The following OR7G2 variants were observed in gnomAD, a reference collection of about 807,000 sequenced individuals.
The protein encoded by OR7G2 is olfactory receptor 7G2.
For synonymous variants in OR7G2, 153 were observed against 152.2 expected (o/e 1.01, Z -0.04); for missense variants, 362 against 384.0 (o/e 0.94, Z 0.48).
chr19:9,102,261 A>G lies in OR7G2; in HGVS notation c.*8T>C. On this transcript the variant is annotated 3_prime_UTR_variant, in exon 2 of 2. Transcript: ENST00000641081. ...ATTCTAGCTCACCAGGAATCCTGTCACTTTGACTTACTCTAGAAACCTGAA... is the reference window on the plus strand; with the variant it reads ...ATTCTAGCTCACCAGGAATCCTGTCGCTTTGACTTACTCTAGAAACCTGAA... The G allele has an allele frequency of 1.9e-6, 3 of 1,577,878 alleles. No individual in the cohort carries two copies. The South Asian group carries it at 3.5e-5, about 19-fold the overall frequency.
At position 9,102,507 on chromosome 19, in the gene OR7G2, G is replaced by A. The variant is rs759343004; in HGVS notation, c.737C>T (p.Ser246Phe). The A allele has an allele frequency of 1.2e-5, 20 of 1,614,050 alleles. No homozygotes were observed. Among genetic ancestry groups the A allele is most frequent in the Non-Finnish European group, 1.5e-5 (18 of 1,180,038 alleles). ...KAVSTCGSHL[S>F]IVLLFYGAGL... ...TGCCCCATAGAACAAGAGAACAATGGAGAGGTGAGACCCACAGGTGGAAAC... is the reference window on the plus strand; with the variant it reads ...TGCCCCATAGAACAAGAGAACAATGAAGAGGTGAGACCCACAGGTGGAAAC... The change falls in exon 2 of 2, where the codon TCC becomes TTC. Residue 246 changes from serine to phenylalanine, a missense_variant. Ser to Phe is a radical substitution (Grantham distance 155). Coordinates refer to ENST00000641081, the MANE Select transcript of OR7G2 (RefSeq NM_001005193.2).
rs776771825 is a variant in OR7G2 at position 9,103,191 on chromosome 19, A to C, written c.53T>G (p.Ile18Arg). 3 of 1,614,144 alleles carry C rather than the reference A, an allele frequency of 1.9e-6. No homozygotes were observed. Among genetic ancestry groups the C allele is most frequent in the South Asian group, 2.2e-5 (2 of 91,078 alleles). The change falls in exon 2 of 2, where the codon ATA becomes AGA. Residue 18 changes from isoleucine (I) to arginine (R), a missense_variant. Transcript: ENST00000641081. ...GACGGGCTGCAGTTCCGGATCCTCT[A>C]TCAGTCCCAGGAGAAGGAATTTTGA... ...AISKFLLLGL[I>R]EDPELQPVLF...
rs1014222367 is a variant in OR7G2, at chr19:9,107,403, T to C, written c.-106A>G. Reference sequence around the variant, plus strand: ...TATCATGTCTGGAAGGAGGTTCTGATGCAGCTTCCGAGCTGGGTAAGAGAT... The same window carrying C: ...TATCATGTCTGGAAGGAGGTTCTGACGCAGCTTCCGAGCTGGGTAAGAGAT... On this transcript the variant is annotated 5_prime_UTR_variant, in exon 1 of 2. Coordinates refer to ENST00000641081, the MANE Select transcript of OR7G2 (RefSeq NM_001005193.2). The C allele has an allele frequency of 1.3e-5, 2 of 152,204 alleles. No individual in the cohort carries two copies. The highest frequency in any genetic ancestry group is 1.5e-5 in the Non-Finnish European group (1 of 68,048). 9.4% of individuals were successfully genotyped at this position (152,204 alleles called of 1,614,324 possible). A position where few individuals can be genotyped will look rare whatever the true frequency, so the allele number is the denominator to read the frequency against.
At position 9,102,747 on chromosome 19, in the gene OR7G2, A is replaced by C; in HGVS notation, c.497T>G (p.Leu166Arg). Residue 166 changes from leucine (L) to arginine (R), a missense_variant, in exon 2 of 2, where the codon CTG becomes CGG. Transcript: ENST00000641081. The stretch of plus-strand genomic sequence containing the variant: ...GATTTCCAGGTCTGTGCAGAAGGAC[A>C]GCCTCAACACCATCAGGCTGAGAAG... ...ALLLSLMVLR[L>R]SFCTDLEIPL... The C allele has an allele frequency of 1.9e-6, 3 of 1,614,172 alleles. No individual in the cohort carries two copies. The highest frequency in any genetic ancestry group is 2.5e-6 in the Non-Finnish European group (3 of 1,180,018).
rs12610094 is a variant in OR7G2, at chr19:9,102,456, A to G, written c.788T>C (p.Val263Ala). ...AGTCTTCCTAGGTGAGTCAGTAACC[A>G]CAGAACTAATGTACACCCCCAAACC... ...GAGLGVYISS[V>A]VTDSPRKTAV... is the part of the protein sequence containing the mutation. The change falls in exon 2 of 2, where the codon GTG becomes GCG. Residue 263 changes from valine (V) to alanine (A), a missense_variant. Coordinates refer to ENST00000641081, the MANE Select transcript of OR7G2 (RefSeq NM_001005193.2). The G allele has an allele frequency of 0.41, 656,345 of 1,612,814 alleles. 137,170 individuals are homozygous for G. The highest frequency in any genetic ancestry group is 0.59 in the East Asian group (26,593 of 44,856).
At chr19:9,104,517 C>T (rs943675619) in intron 1 of OR7G2, among the ~76,000 whole-genome samples, 4 of 152,134 alleles carry the variant, frequency 2.6e-5, no homozygotes, top group African/African-American at 9.6e-5. Context: ...AATGATAAAA[C>T]TTGACATTTA....
rs889616230 is a variant in OR7G2, at chr19:9,102,150, C to T, written c.*119G>A. The T allele has an allele frequency of 5.7e-6, 5 of 873,480 alleles. No individual in the cohort carries two copies. Among genetic ancestry groups the T allele is most frequent in the African/African-American group, 5.1e-5 (3 of 59,198 alleles). The allele number at this position is 873,480 out of a possible 1,614,324, so 54.1% of individuals were successfully genotyped here. A position where few individuals can be genotyped will look rare whatever the true frequency, so the allele number is the denominator to read the frequency against. ...CCCGGAGGCGGAAGTTGCAGTGAGC[C>T]GAGGTCGTGCCATTGCACTCCAGCC... On this transcript the variant is annotated 3_prime_UTR_variant, in exon 2 of 2. Coordinates refer to ENST00000641081, the MANE Select transcript of OR7G2 (RefSeq NM_001005193.2).
chr19:9,102,599 A>C lies in OR7G2; in HGVS notation c.645T>G (p.Ile215Met), dbSNP rs773575328. ...AGGAGGTGATCTGAGTGTAAGACAA[A>C]ATGATTCCAGACAGAGGAACACCAC... ...IFGGVPLSGI[I>M]LSYTQITSCV... Residue 215 changes from isoleucine to methionine, a missense_variant, in exon 2 of 2, where the codon ATT becomes ATG. Physicochemically the swap from Ile to Met is conservative, Grantham distance 10. Coordinates refer to ENST00000641081, the MANE Select transcript of OR7G2 (RefSeq NM_001005193.2). The C allele has an allele frequency of 6.2e-7, 1 of 1,614,170 alleles. No individual in the cohort carries two copies. Among genetic ancestry groups the C allele is most frequent in the East Asian group, 2.2e-5 (1 of 44,886 alleles).
chr19:9,100,922 T>C lies in OR7G2; in HGVS notation c.*1347A>G, dbSNP rs1448607771. ...GGGAGGCCATGGCAGGAGGATCACT[T>C]GAACCTAGGTTTTGAGACCAACCTG... On this transcript the variant is annotated 3_prime_UTR_variant, in exon 2 of 2. Coordinates refer to ENST00000641081, the MANE Select transcript of OR7G2 (RefSeq NM_001005193.2). 1 of 152,102 alleles carries C rather than the reference T, an allele frequency of 6.6e-6. No individual in the cohort carries two copies. Among genetic ancestry groups the C allele is most frequent in the Non-Finnish European group, 1.5e-5 (1 of 68,056 alleles). 9.4% of individuals were successfully genotyped at this position (152,102 alleles called of 1,614,324 possible). A position where few individuals can be genotyped will look rare whatever the true frequency, so the allele number is the denominator to read the frequency against.
In OR7G2 at chr19:9,102,483, G is replaced by T. The variant is rs769416911; in HGVS notation, c.761C>A (p.Ala254Glu). 1.9e-6 allele frequency: 3 copies of T among 1,613,858 alleles called. No individual in the cohort carries two copies. The highest frequency in any genetic ancestry group is 2.2e-5 in the South Asian group (2 of 91,072). The change falls in exon 2 of 2, where the codon GCA (alanine) becomes GAA (glutamate). Residue 254 changes from alanine to glutamate, a missense_variant. Ala to Glu is a moderately radical substitution (Grantham distance 107, BLOSUM62 -1). Coordinates refer to ENST00000641081, the MANE Select transcript of OR7G2 (RefSeq NM_001005193.2). ...HLSIVLLFYG[A>E]GLGVYISSVV... is the part of the protein sequence containing the mutation. ...AGAACTAATGTACACCCCCAAACCT[G>T]CCCCATAGAACAAGAGAACAATGGA...
chr19:9,102,252 A>G lies in OR7G2; in HGVS notation c.*17T>C, dbSNP rs768162042. The G allele has an allele frequency of 6.4e-7, 1 of 1,570,154 alleles. No homozygotes were observed. The highest frequency in any genetic ancestry group is 2.2e-5 in the East Asian group (1 of 44,482). On this transcript the variant is annotated 3_prime_UTR_variant, in exon 2 of 2. Coordinates refer to ENST00000641081, the MANE Select transcript of OR7G2 (RefSeq NM_001005193.2). ...GAGTCAGGCATTCTAGCTCACCAGGAATCCTGTCACTTTGACTTACTCTAG... is the reference window on the plus strand; with the variant it reads ...GAGTCAGGCATTCTAGCTCACCAGGGATCCTGTCACTTTGACTTACTCTAG...
Position 9,100,632 on chromosome 19 carries a change from C to T in OR7G2, c.*1637G>A, listed in dbSNP as rs181977520. 89 of 152,196 alleles carry T rather than the reference C, an allele frequency of 5.8e-4. No homozygotes were observed. Among genetic ancestry groups the T allele is most frequent in the African/African-American group, 2.1e-3 (89 of 41,560 alleles). The allele number at this position is 152,196 out of a possible 1,614,324, so 9.4% of individuals were successfully genotyped here. On this transcript the variant is annotated 3_prime_UTR_variant, in exon 2 of 2. Coordinates refer to ENST00000641081, the MANE Select transcript of OR7G2 (RefSeq NM_001005193.2). ...AAATCACTAAGATAATCTAATCATG[C>T]TAATTTTTTGATGATAAAACTGAGT...
chr19:9,106,722 G>A (rs1239250483), intron 1 of OR7G2, among the ~76,000 whole-genome samples: 2 of 123,330 alleles, frequency 1.6e-5, no homozygotes, highest in African/African-American at 3.3e-5. Flanking sequence ...GGGTGACAGA[G>A]CAAGATTCCA....
intron 1 of OR7G2, among the ~76,000 whole-genome samples, chr19:9,103,820 T>G (rs535894107): frequency 2.1e-5 from 3 of 146,220 alleles, no homozygotes; most frequent in Non-Finnish European, 4.5e-5. Flanking sequence ...TGAGCCACCA[T>G]GCCTGGCCCA....
rs962412010 is a variant in OR7G2, at chr19:9,102,183, C to G, written c.*86G>C. ...TGCCATTGCACTCCAGCCTGGGAGA[C>G]AGAGAAAGACTCCATCTCAGAGAAA... On this transcript the variant is annotated 3_prime_UTR_variant, in exon 2 of 2. Coordinates refer to ENST00000641081, the MANE Select transcript of OR7G2 (RefSeq NM_001005193.2). 4.8e-6 allele frequency: 6 copies of G among 1,241,302 alleles called. No individual in the cohort carries two copies. The highest frequency in any genetic ancestry group is 1.5e-5 in the South Asian group (1 of 65,212). The allele number at this position is 1,241,302 out of a possible 1,614,324, so 76.9% of individuals were successfully genotyped here. A position where few individuals can be genotyped will look rare whatever the true frequency, so the allele number is the denominator to read the frequency against.
rs761095933 is a variant in OR7G2, at chr19:9,102,385, G to A, written c.859C>T (p.Pro287Ser). The A allele has an allele frequency of 3.3e-5, 53 of 1,613,628 alleles. No individual in the cohort carries two copies. In the South Asian group the frequency reaches 5.5e-4, roughly 17 times the overall value. Reference sequence around the variant, plus strand: ...TTATTCCTCAGACTATAGATAAAGGGGTTCACCATTTGAGGGAACACAGAA... The same window carrying A: ...TTATTCCTCAGACTATAGATAAAGGAGTTCACCATTTGAGGGAACACAGAA... Reference protein sequence around the residue: ...MYSVFPQMVNPFIYSLRNKDM... With the variant: ...MYSVFPQMVNSFIYSLRNKDM... Residue 287 changes from proline to serine, a missense_variant, in exon 2 of 2, where the codon CCC (proline) becomes TCC (serine). Pro to Ser is a moderately conservative substitution (Grantham distance 74). Coordinates refer to ENST00000641081, the MANE Select transcript of OR7G2 (RefSeq NM_001005193.2).
At chr19:9,105,642 T>A (rs1373096470) in intron 1 of OR7G2, among the ~76,000 whole-genome samples, 1 of 151,494 alleles carries the variant, frequency 6.6e-6, no homozygotes, top group African/African-American at 2.4e-5. Flanking sequence ...AGGTCAGGAG[T>A]TCGAGACCAG....
rs149704267 is a variant in OR7G2, at chr19:9,100,753, C to G, written c.*1516G>C. The G allele has an allele frequency of 1.4e-4, 22 of 152,096 alleles. No individual in the cohort carries two copies. Among genetic ancestry groups the G allele is most frequent in the African/African-American group, 5.3e-4 (22 of 41,496 alleles). 9.4% of individuals were successfully genotyped at this position (152,096 alleles called of 1,614,324 possible). ...GGTATGAAAACTTAGCTCCCTTGAC[C>G]CACTGTAGGTCTACACTGGGGTGCA... On this transcript the variant is annotated 3_prime_UTR_variant, in exon 2 of 2. Transcript: ENST00000641081.
chr19:9,103,344 C>T, intron 1 of OR7G2, 85 bp from the exon 2 acceptor site: 1 of 1,333,486 alleles, frequency 7.5e-7, no homozygotes, highest in Non-Finnish European at 1.1e-6. Flanking sequence ...ATCTTGCTCC[C>T]CTCCCCAGAC....
Sources: allele counts gnomAD v4.1 joint callset (sites outside exome capture counted in the v4.1 genomes callset), GRCh38; gene constraint gnomAD v4.1.1; transcripts MANE v1.5; gene names NCBI Gene and HGNC (gene_info 2026-07-23, HGNC 2026-07-21).